Variants in TMEM123 observed in about 807,000 individuals in gnomAD.
TMEM123 encodes the protein transmembrane protein 123, also known as porimin.
TMEM123 carries 16 observed loss-of-function variants against 19.7 expected under a neutral mutation model. That is an observed-to-expected ratio of 0.81 (90% CI 0.55 to 1.23). TMEM123 has a LOEUF of 1.23. Among genes scored for constraint, TMEM123 ranks in the 50% most tolerant of loss-of-function variants. The probability of loss-of-function intolerance (pLI) is 0.00; values close to 1 mark genes in which losing one functional copy is unlikely to be tolerated. For synonymous variants in TMEM123, 118 were observed against 99.4 expected (o/e 1.19, Z -1.12); for missense variants, 313 against 257.8 (o/e 1.21, Z -1.47).
Position 102,398,052 on chromosome 11 carries a change from A to G in TMEM123, c.*815T>C, listed in dbSNP as rs1951876468. ...GTGGTGACAATATTCTCACAGTAGC[A>G]AATAATCTAACTTCTAGGAGGTTTT... On this transcript the variant is annotated 3_prime_UTR_variant, in exon 5 of 5. Coordinates refer to ENST00000398136, the MANE Select transcript of TMEM123 (RefSeq NM_052932.3). The G allele has an allele frequency of 6.6e-6, 1 of 152,260 alleles. No individual in the cohort carries two copies. Among genetic ancestry groups the G allele is most frequent in the Non-Finnish European group, 1.5e-5 (1 of 68,052 alleles). The allele number at this position is 152,260 out of a possible 1,614,324, so 9.4% of individuals were successfully genotyped here.
At chr11:102,417,774 G>GT (rs747259655) in intron 2 of TMEM123, among the ~76,000 whole-genome samples, 3 of 152,034 alleles carry the variant, frequency 2.0e-5, no homozygotes, top group Non-Finnish European at 4.4e-5. Flanking sequence ...AAACAGCATG[G>GT]TATCGGTACA....
intron 2 of TMEM123, among the ~76,000 whole-genome samples, chr11:102,422,990 G>C (rs578117650): frequency 6.6e-6 from 1 of 152,094 alleles, no homozygotes; most frequent in Non-Finnish European, 1.5e-5. Context: ...TACCTCTCAG[G>C]CCCTCAGAAC....
chr11:102,419,102 AC>A (rs1242297752), intron 2 of TMEM123, among the ~76,000 whole-genome samples: 1 of 151,968 alleles, frequency 6.6e-6, no homozygotes, highest in African/African-American at 2.4e-5. Flanking sequence ...TGTACACCAA[AC>A]CCGTCACACA....
chr11:102,442,335 A>G (rs1190466757), intron 2 of TMEM123, among the ~76,000 whole-genome samples: 1 of 152,166 alleles, frequency 6.6e-6, no homozygotes, highest in Non-Finnish European at 1.5e-5. Context: ...GCACATCAAA[A>G]AGCTTATCCA....
Position 102,402,140 on chromosome 11 carries a change from G to T in TMEM123, c.224C>A (p.Thr75Asn). The T allele has an allele frequency of 6.2e-7, 1 of 1,614,178 alleles. No homozygotes were observed. Among genetic ancestry groups the T allele is most frequent in the Non-Finnish European group, 8.5e-7 (1 of 1,180,034 alleles). The change falls in exon 3 of 5, where the codon ACT (threonine) becomes AAT (asparagine). Residue 75 changes from threonine (T) to asparagine (N), a missense_variant. Thr to Asn is a moderately conservative substitution (Grantham distance 65, BLOSUM62 0). Coordinates refer to ENST00000398136, the MANE Select transcript of TMEM123 (RefSeq NM_052932.3). ...ATTACTGGAGTCTGAGGCAACTGAAGTTGGTGGTTTCACAGTACTGTTGGA... is the reference window on the plus strand; with the variant it reads ...ATTACTGGAGTCTGAGGCAACTGAATTTGGTGGTTTCACAGTACTGTTGGA... The part of the protein sequence containing the change: ...ETSNSTVKPP[T>N]SVASDSSNTT...
chr11:102,436,439 A>C lies in TMEM123; in HGVS notation c.157+12373T>G, dbSNP rs530982247. Among the ~76,000 whole-genome samples the C allele has an allele frequency of 3.3e-5, 5 of 152,158 alleles. No homozygotes were observed. In the East Asian group the frequency reaches 9.6e-4, roughly 29 times the overall value. ...CAGCCTCCCAAAGTGCTGGGATTAC[A>C]GGCGTGAGCCACCGCACCCAGCCTC... is the stretch of plus-strand genomic sequence containing the variant. On this transcript the variant is annotated intron_variant, in intron 2 of 4. Coordinates refer to ENST00000398136, the MANE Select transcript of TMEM123 (RefSeq NM_052932.3).
chr11:102,411,279 C>T (rs779426764), intron 2 of TMEM123, among the ~76,000 whole-genome samples: 7 of 152,158 alleles, frequency 4.6e-5, no homozygotes, highest in Non-Finnish European at 1.0e-4. Flanking sequence ...AGTTGGTGAA[C>T]ACATGGAGGT....
chr11:102,399,559 A>G (rs535713986), intron 4 of TMEM123, among the ~76,000 whole-genome samples: 1 of 152,334 alleles, frequency 6.6e-6, no homozygotes, highest in South Asian at 2.1e-4. Flanking sequence ...TTTTAAAATC[A>G]GTTTGAGCCT....
chr11:102,435,601 A>G (rs1228996284), intron 2 of TMEM123, among the ~76,000 whole-genome samples: 6 of 151,982 alleles, frequency 3.9e-5, no homozygotes, highest in Non-Finnish European at 8.8e-5. Flanking sequence ...AAATGAAAAT[A>G]TATGTCCACG....
At chr11:102,426,382 T>C (rs775318842) in intron 2 of TMEM123, among the ~76,000 whole-genome samples, 2 of 152,212 alleles carry the variant, frequency 1.3e-5, no homozygotes, top group South Asian at 2.1e-4. Flanking sequence ...GAAGCAGTAA[T>C]AGAAGGGAGC....
At chr11:102,443,517 C>CT (rs1857848710) in intron 2 of TMEM123, among the ~76,000 whole-genome samples, 2 of 151,726 alleles carry the variant, frequency 1.3e-5, no homozygotes, top group Admixed American at 6.6e-5. Flanking sequence ...AACCGGATCC[C>CT]TTCCTTATAC....
chr11:102,422,012 A>G (rs890472123), intron 2 of TMEM123, among the ~76,000 whole-genome samples: 2 of 152,216 alleles, frequency 1.3e-5, no homozygotes, highest in African/African-American at 4.8e-5. Context: ...TGCTCTTGTC[A>G]TTAGTTTAGT....
At chr11:102,445,030 GA>G (rs1857868246) in intron 2 of TMEM123, among the ~76,000 whole-genome samples, 1 of 151,132 alleles carries the variant, frequency 6.6e-6, no homozygotes, top group Non-Finnish European at 1.5e-5. Flanking sequence ...GGGGTGGGGG[GA>G]AGGGGGGAGG....
intron 2 of TMEM123, among the ~76,000 whole-genome samples, chr11:102,425,584 T>C (rs554179791): frequency 0.021 from 2,380 of 114,246 alleles, 32 homozygotes; most frequent in Non-Finnish European, 0.035. Flanking sequence ...TTCTTTTTTC[T>C]TTTTTTTTTT....
chr11:102,420,317 A>G (rs1952075843), intron 2 of TMEM123, among the ~76,000 whole-genome samples: 1 of 152,206 alleles, frequency 6.6e-6, no homozygotes, highest in Non-Finnish European at 1.5e-5. Flanking sequence ...CTAAGAGAAC[A>G]GCAAATGTCT....
At chr11:102,406,819 T>G (rs1296356023) in intron 2 of TMEM123, among the ~76,000 whole-genome samples, 2 of 145,798 alleles carry the variant, frequency 1.4e-5, no homozygotes, top group South Asian at 4.3e-4. Context: ...TGCAGTGAGC[T>G]GAGATTGCGC....
chr11:102,433,598 CTTTGGAAGACTG>C (rs1591563723), intron 2 of TMEM123, among the ~76,000 whole-genome samples: 2 of 151,798 alleles, frequency 1.3e-5, no homozygotes, highest in Admixed American at 6.6e-5. Context: ...TGAGTTAAGA[CTTTGGAAGACTG>C]TTGGGAAGGC....
At chr11:102,414,495 A>G (rs571209238) in intron 2 of TMEM123, among the ~76,000 whole-genome samples, 107 of 152,356 alleles carry the variant, frequency 7.0e-4, no homozygotes, top group African/African-American at 2.5e-3. Flanking sequence ...CTAACAGCAG[A>G]CCTTTCTGCA....
At chr11:102,412,127 G>C (rs1952010676) in intron 2 of TMEM123, among the ~76,000 whole-genome samples, 1 of 152,076 alleles carries the variant, frequency 6.6e-6, no homozygotes. Context: ...TCATATTAAA[G>C]GTATATTAAA....
Sources: gnomAD v4.1 joint callset for allele counts (sites outside exome capture counted in the v4.1 genomes callset) on GRCh38, gnomAD v4.1.1 for gene constraint, MANE v1.5 for transcripts, NCBI Gene and HGNC (gene_info 2026-07-23, HGNC 2026-07-21) for gene names.